Variants in ZMAT4 observed in about 807,000 individuals in gnomAD.
The protein encoded by ZMAT4 is zinc finger matrin-type protein 4.
ZMAT4 carries 17 observed loss-of-function variants against 28.7 expected under a neutral mutation model. The observed-to-expected ratio is 0.59, with a 90% CI of 0.41 to 0.89. ZMAT4 has a LOEUF of 0.89. Among genes scored for constraint, ZMAT4 ranks in the 40% least tolerant of loss-of-function variants. The pLI is 0.00. For missense variants in ZMAT4, 240 were observed against 283.8 expected, an observed-to-expected ratio of 0.85 and a Z score of 1.11; for synonymous variants, 117 against 109.2, an observed-to-expected ratio of 1.07 and a Z score of -0.44.
rs145016033 is a variant in ZMAT4 at position 40,816,316 on chromosome 8, C to T, written c.102+9259G>A. ...GGGCAACGTCAGAAGCCTCTGCCAG[C>T]CCGAGTTCTAAATAATTTTGTGGCC... On this transcript the variant is annotated intron_variant, in intron 2 of 6. Transcript: ENST00000297737. 4.9e-3 allele frequency among the ~76,000 whole-genome samples: 745 copies of T among 152,240 alleles called. 5 individuals are homozygous for T. Among genetic ancestry groups the T allele is most frequent in the Non-Finnish European group, 6.2e-3 (421 of 68,022 alleles).
rs191179979 is a variant in ZMAT4 at position 40,778,556 on chromosome 8, G to A, written c.103-10826C>T. On this transcript the variant is annotated intron_variant, in intron 2 of 6. Coordinates refer to ENST00000297737, the MANE Select transcript of ZMAT4 (RefSeq NM_024645.3). ...AAGCAGCTTTGTTTCACCTAATGAC[G>A]GGAAAACAGAAATTTTTTCTTTTGA... is the stretch of plus-strand genomic sequence containing the variant. Among the ~76,000 whole-genome samples the A allele has an allele frequency of 1.2e-4, 19 of 152,138 alleles. No individual in the cohort carries two copies. In the East Asian group the frequency reaches 1.5e-3, roughly 12 times the overall value.
At chr8:40,558,619 G>A (rs1803625289) in intron 6 of ZMAT4, among the ~76,000 whole-genome samples, 1 of 151,896 alleles carries the variant, frequency 6.6e-6, no homozygotes, top group Non-Finnish European at 1.5e-5. Flanking sequence ...GGAGAAGGAG[G>A]TAGAAGATCA....
intron 6 of ZMAT4, among the ~76,000 whole-genome samples, chr8:40,577,064 G>A (rs2198197): frequency 0.11 from 16,949 of 152,032 alleles, 1,219 homozygotes; most frequent in Admixed American, 0.2. Context: ...CATTATGGTG[G>A]ATGCCTGTAA....
chr8:40,615,413 C>A (rs1430927351), intron 5 of ZMAT4, among the ~76,000 whole-genome samples: 1 of 152,130 alleles, frequency 6.6e-6, no homozygotes, highest in East Asian at 1.9e-4. Context: ...CTTGGAGTTG[C>A]TCTTCTCGAG....
chr8:40,744,063 T>C (rs1812122323), intron 3 of ZMAT4, among the ~76,000 whole-genome samples: 1 of 152,182 alleles, frequency 6.6e-6, no homozygotes, highest in South Asian at 2.1e-4. Context: ...CCTCAGTGAA[T>C]GCCCAGCACT....
intron 2 of ZMAT4, among the ~76,000 whole-genome samples, chr8:40,781,558 C>G (rs1016776684): frequency 5.0e-4 from 76 of 150,876 alleles, no homozygotes; most frequent in Non-Finnish European, 2.1e-4. Flanking sequence ...GTCAGGAGTT[C>G]GAGACCATCC....
At chr8:40,713,685 G>A (rs1810722315) in intron 3 of ZMAT4, among the ~76,000 whole-genome samples, 1 of 151,986 alleles carries the variant, frequency 6.6e-6, no homozygotes, top group Admixed American at 6.6e-5. Context: ...GAGGCAGGTA[G>A]ATCACTTGCA....
intron 3 of ZMAT4, among the ~76,000 whole-genome samples, chr8:40,738,803 G>T (rs1811881435): frequency 6.6e-6 from 1 of 151,990 alleles, no homozygotes; most frequent in South Asian, 2.1e-4. Flanking sequence ...TGCTTTCCAG[G>T]ACCTATAAAA....
intron 6 of ZMAT4, among the ~76,000 whole-genome samples, chr8:40,559,065 A>T (rs1296317506): frequency 6.6e-6 from 1 of 152,198 alleles, no homozygotes; most frequent in East Asian, 1.9e-4. Flanking sequence ...TTCAGCAGCT[A>T]ACAAGCACTG....
chr8:40,646,739 C>T (rs1807334909), intron 5 of ZMAT4, among the ~76,000 whole-genome samples: 1 of 152,116 alleles, frequency 6.6e-6, no homozygotes. Context: ...AGAAATAGAT[C>T]ATTCAACTGT....
chr8:40,649,371 C>T (rs1391373799), intron 5 of ZMAT4, among the ~76,000 whole-genome samples: 1 of 152,124 alleles, frequency 6.6e-6, no homozygotes, highest in Non-Finnish European at 1.5e-5. Flanking sequence ...ACAAGAAGAG[C>T]TAACTATCAT....
chr8:40,832,901 G>A (rs1816339084), intron 1 of ZMAT4, among the ~76,000 whole-genome samples: 1 of 152,176 alleles, frequency 6.6e-6, no homozygotes, highest in African/African-American at 2.4e-5. Context: ...TTCCATACTT[G>A]GTTTGCCCTT....
intron 3 of ZMAT4, among the ~76,000 whole-genome samples, chr8:40,742,102 A>AAAAAACC: frequency 6.6e-6 from 1 of 151,394 alleles, no homozygotes; most frequent in Non-Finnish European, 1.5e-5. Context: ...AACAAAAAAC[A>AAAAAACC]AAAAACCAAG....
chr8:40,631,586 G>A (rs1806584930), intron 5 of ZMAT4, among the ~76,000 whole-genome samples: 1 of 152,208 alleles, frequency 6.6e-6, no homozygotes, highest in Non-Finnish European at 1.5e-5. Flanking sequence ...GCCTGTTCCT[G>A]CCTATTGTTC....
intron 4 of ZMAT4, among the ~76,000 whole-genome samples, chr8:40,695,903 A>ATTCT (rs1398167439): frequency 6.7e-6 from 1 of 149,586 alleles, no homozygotes; most frequent in Non-Finnish European, 1.5e-5. Flanking sequence ...TAACAGTAAT[A>ATTCT]TTCTGCTTCA....
At chr8:40,828,467 C>T (rs1816158467) in intron 1 of ZMAT4, among the ~76,000 whole-genome samples, 1 of 151,762 alleles carries the variant, frequency 6.6e-6, no homozygotes, top group South Asian at 2.1e-4. Flanking sequence ...AGGTACGTGT[C>T]GGACCAAGCA....
chr8:40,700,011 A>G (rs962552814), intron 3 of ZMAT4, among the ~76,000 whole-genome samples: 2 of 152,346 alleles, frequency 1.3e-5, no homozygotes, highest in Admixed American at 6.5e-5. Context: ...AGTTTCCAGG[A>G]CAAAGAGTTG....
chr8:40,838,177 C>G (rs755164754), intron 1 of ZMAT4, among the ~76,000 whole-genome samples: 12 of 152,216 alleles, frequency 7.9e-5, no homozygotes, highest in Non-Finnish European at 1.8e-4. Context: ...CTGTCAAATT[C>G]TTCCCTCAAA....
chr8:40,594,936 TACA>T (rs1186364022), intron 5 of ZMAT4, among the ~76,000 whole-genome samples: 9 of 152,210 alleles, frequency 5.9e-5, no homozygotes, highest in African/African-American at 9.7e-5. Flanking sequence ...ACATGGAAGA[TACA>T]ACATTACACG....
Sources: allele counts gnomAD v4.1 joint callset (sites outside exome capture counted in the v4.1 genomes callset), GRCh38; gene constraint gnomAD v4.1.1; transcripts MANE v1.5; gene names NCBI Gene and HGNC (gene_info 2026-07-23, HGNC 2026-07-21).